SV2C: variants seen among roughly 807,000 people sequenced by gnomAD.
The protein encoded by SV2C is synaptic vesicle glycoprotein 2C, also known as solute carrier family 22 member B3.
A neutral mutation model predicts 79.7 loss-of-function variants in SV2C; 49 were observed. The observed-to-expected ratio is 0.61, with a 90% confidence interval of 0.49 to 0.78. The LOEUF (loss-of-function observed/expected upper bound fraction) is 0.78. Ranked by LOEUF, SV2C falls within the 30% of genes least tolerant of loss-of-function variation. SV2C has a pLI of 0.00. For missense variants in SV2C, 833 were observed against 912.9 expected, an observed-to-expected ratio of 0.91 and a Z score of 1.13; for synonymous variants, 334 against 333.2, an observed-to-expected ratio of 1.00 and a Z score of -0.03.
chr5:75,951,715 G>A, the SV2C span, among the ~76,000 whole-genome samples: 4 of 151,988 alleles, frequency 2.6e-5, no homozygotes, highest in African/African-American at 4.8e-5. Flanking sequence ...TCTTTCAATC[G>A]AAGTGTAACT....
At chr5:76,210,820 A>G (rs1317673261) in intron 4 of SV2C, among the ~76,000 whole-genome samples, 1 of 152,228 alleles carries the variant, frequency 6.6e-6, no homozygotes, top group Non-Finnish European at 1.5e-5. Flanking sequence ...ATTACCCAGG[A>G]AATTCCCAGG....
At chr5:76,048,965 G>GAGAAAGAAAGAA in the SV2C span, among the ~76,000 whole-genome samples, 5,806 of 58,092 alleles carry the variant, frequency 0.1, 462 homozygotes, top group Non-Finnish European at 0.1. Flanking sequence ...GAAAGAAAAA[G>GAGAAAGAAAGAA]AGAAAGAAAG....
At position 76,331,615 on chromosome 5, in the gene SV2C, C is replaced by CAGTT. The variant is rs1749188836; in HGVS notation, c.*6069_*6072dup. 1 of 152,282 alleles carries CAGTT rather than the reference C, an allele frequency of 6.6e-6. No homozygotes were observed. The allele number at this position is 152,282 out of a possible 1,614,324, so 9.4% of individuals were successfully genotyped here. The stretch of plus-strand genomic sequence containing the variant: ...GAGCCCCATTGCCATTTTTGCCCAC[C>CAGTT]AGTTCTCTTCTTACCTCCTCAGGGC... On this transcript the variant is annotated 3_prime_UTR_variant, in exon 13 of 13. Transcript: ENST00000502798.
At chr5:75,849,661 A>G in the SV2C span, among the ~76,000 whole-genome samples, 1 of 152,356 alleles carries the variant, frequency 6.6e-6, no homozygotes, top group Admixed American at 6.5e-5. Flanking sequence ...AATAGAATTT[A>G]ACTACATCAC....
At chr5:75,860,401 G>T in the SV2C span, among the ~76,000 whole-genome samples, 1 of 152,076 alleles carries the variant, frequency 6.6e-6, no homozygotes, top group Non-Finnish European at 1.5e-5. Flanking sequence ...AAAGATTACT[G>T]CAATGAGAAC....
At chr5:76,277,806 A>G (rs1747068405) in intron 4 of SV2C, among the ~76,000 whole-genome samples, 4 of 151,982 alleles carry the variant, frequency 2.6e-5, no homozygotes. Flanking sequence ...GATTCCATTT[A>G]TATGATATTC....
At chr5:76,093,947 A>G (rs1266634272) in intron 1 of SV2C, among the ~76,000 whole-genome samples, 1 of 152,092 alleles carries the variant, frequency 6.6e-6, no homozygotes, top group Non-Finnish European at 1.5e-5. Context: ...ATTACTGTCT[A>G]TTCAAGAAAT....
At chr5:76,271,821 G>A (rs2937716) in intron 4 of SV2C, among the ~76,000 whole-genome samples, 2,192 of 151,886 alleles carry the variant, frequency 0.014, 38 homozygotes, top group African/African-American at 0.045. Flanking sequence ...TTGAAAATTA[G>A]GAAACATAAT....
chr5:76,260,560 G>GT (rs1349990750), intron 4 of SV2C, among the ~76,000 whole-genome samples: 1 of 152,110 alleles, frequency 6.6e-6, no homozygotes, highest in African/African-American at 2.4e-5. Flanking sequence ...TTCTTCTAGG[G>GT]TTTTTATGGT....
the SV2C span, among the ~76,000 whole-genome samples, chr5:75,874,478 C>G: frequency 1.3e-5 from 2 of 152,132 alleles, no homozygotes; most frequent in Admixed American, 1.3e-4. Context: ...TGGAAGCATT[C>G]CCCTTGAAGA....
Position 76,298,806 on chromosome 5 carries a change from C to G in SV2C, c.1515C>G (p.Val505=). 1 of 1,613,772 alleles carries G rather than the reference C, an allele frequency of 6.2e-7. No homozygotes were observed. Among genetic ancestry groups the G allele is most frequent in the Non-Finnish European group, 8.5e-7 (1 of 1,179,762 alleles). The part of the protein sequence containing the change: ...MEYDNGRFIG[V]KFKSVTFKDS... ...GTGTGTTGGGCAGATTCATAGGGGTCAAGTTCAAATCTGTAACTTTCAAAG... is the reference window on the plus strand; with the variant it reads ...GTGTGTTGGGCAGATTCATAGGGGTGAAGTTCAAATCTGTAACTTTCAAAG... Residue 505 remains valine, a synonymous_variant, in exon 10 of 13, where the codon GTC becomes GTG. Coordinates refer to ENST00000502798, the MANE Select transcript of SV2C (RefSeq NM_014979.4).
At chr5:76,157,604 C>T (rs1166005107) in intron 2 of SV2C, among the ~76,000 whole-genome samples, 3 of 147,646 alleles carry the variant, frequency 2.0e-5, no homozygotes, top group African/African-American at 7.5e-5. Context: ...ATCATTGAGA[C>T]TTCACTTATA....
intron 2 of SV2C, among the ~76,000 whole-genome samples, chr5:76,133,783 A>T (rs1336079497): frequency 6.6e-6 from 1 of 152,016 alleles, no homozygotes; most frequent in Non-Finnish European, 1.5e-5. Flanking sequence ...ACTGTATATC[A>T]TTTTTGTTTT....
chr5:76,239,184 G>A (rs766463227), intron 4 of SV2C, among the ~76,000 whole-genome samples: 2 of 151,898 alleles, frequency 1.3e-5, no homozygotes, highest in African/African-American at 4.8e-5. Context: ...AAATCTTGTC[G>A]AGATCTCATC....
intron 4 of SV2C, among the ~76,000 whole-genome samples, chr5:76,224,857 C>T (rs912936270): frequency 2.0e-5 from 3 of 152,186 alleles, no homozygotes; most frequent in Non-Finnish European, 4.4e-5. Flanking sequence ...TATTTTTTTA[C>T]ATAACCTACC....
chr5:76,243,376 A>G (rs1353616452), intron 4 of SV2C, among the ~76,000 whole-genome samples: 1 of 152,220 alleles, frequency 6.6e-6, no homozygotes, highest in Non-Finnish European at 1.5e-5. Flanking sequence ...TATAACTCAA[A>G]GACTTCCTCT....
chr5:75,907,637 T>G, the SV2C span, among the ~76,000 whole-genome samples: 1 of 152,228 alleles, frequency 6.6e-6, no homozygotes, highest in Non-Finnish European at 1.5e-5. Flanking sequence ...TGTGGGTTTG[T>G]GCAGAAATGT....
intron 12 of SV2C, among the ~76,000 whole-genome samples, chr5:76,309,062 T>C (rs1274926567): frequency 6.6e-6 from 1 of 152,096 alleles, no homozygotes; most frequent in Non-Finnish European, 1.5e-5. Context: ...TGAGATCTAG[T>C]AGGTGATAAC....
Position 76,285,306 on chromosome 5 carries a change from T to C in SV2C, c.1047+11T>C, listed in dbSNP as rs1489089788. ...CGATTCTTGTTGGAGGTAACACTTA[T>C]TATTGCAGATACTCAGGTAGCCCAC... On this transcript the variant is annotated intron_variant, in intron 5 of 12. Coordinates refer to ENST00000502798, the MANE Select transcript of SV2C (RefSeq NM_014979.4). 6.2e-7 allele frequency: 1 copy of C among 1,613,492 alleles called. No homozygotes were observed. The highest frequency in any genetic ancestry group is 1.1e-5 in the South Asian group (1 of 90,820).
Sources: allele counts gnomAD v4.1 joint callset (sites outside exome capture counted in the v4.1 genomes callset), GRCh38; gene constraint gnomAD v4.1.1; transcripts MANE v1.5; gene names NCBI Gene and HGNC (gene_info 2026-07-23, HGNC 2026-07-21).